The following XKRX variants were observed in gnomAD, a reference collection of about 807,000 sequenced individuals.
XKRX encodes XK related X-linked.
Under a neutral mutation model 22.4 loss-of-function variants are expected in XKRX, and 11 were observed. The observed-to-expected ratio is 0.49, with a 90% CI of 0.31 to 0.81. The LOEUF is 0.81. Ranked by LOEUF, XKRX falls within the 40% of genes least tolerant of loss-of-function variation. The pLI is 0.05. For synonymous variants in XKRX, 114 were observed against 132.2 expected (o/e 0.86, Z 0.94); for missense variants, 320 against 336.5 (o/e 0.95, Z 0.38).
chrX:100,944,446 T>A, the XKRX span, among the ~76,000 whole-genome samples: 1 of 111,691 alleles, frequency 9.0e-6, no homozygotes, highest in African/African-American at 3.3e-5. Context: ...CACTGCAACC[T>A]CCGCCTCCTG....
Position 100,928,878 on chromosome X carries a change from A to G in XKRX, c.-574T>C, listed in dbSNP as rs2085510245. On this transcript the variant is annotated 5_prime_UTR_variant, in exon 1 of 3. Transcript: ENST00000372956. ...TCCTAGCTATTGCTAGGCTGTAGCT[A>G]TCAGCTGGCCCGCTCACCTGCGCGC... 2 of 749,978 alleles carry G rather than the reference A, an allele frequency of 2.7e-6. No homozygotes were observed. The allele number at this position is 749,978 out of a possible 1,213,427, so 61.8% of individuals were successfully genotyped here.
chrX:100,908,461 G>T (rs2085395508), downstream of XKRX, among the ~76,000 whole-genome samples: 1 of 111,148 alleles, frequency 9.0e-6, no homozygotes, highest in African/African-American at 3.3e-5. Flanking sequence ...TCTCACACAG[G>T]TTGGCCTCAC....
At position 100,914,481 on chromosome X, in the gene XKRX, G is replaced by C. The variant is rs767039505; in HGVS notation, c.1207C>G (p.Gln403Glu). Residue 403 changes from glutamine (Q) to glutamate (E), a missense_variant, in exon 3 of 3, where the codon CAG (glutamine) becomes GAG (glutamate). Transcript: ENST00000372956. ...AGTGAGCGCAATGGATGCAAGTACTGGAAGAAAAGGAGCATGAAGCCAATG... is the reference window on the plus strand; with the variant it reads ...AGTGAGCGCAATGGATGCAAGTACTCGAAGAAAAGGAGCATGAAGCCAATG... Reference protein sequence around the residue: ...ISIGFMLLFFQYLHPLRSLFT... With the variant: ...ISIGFMLLFFEYLHPLRSLFT... The C allele has an allele frequency of 5.8e-6, 7 of 1,210,381 alleles. No individual in the cohort carries two copies. The highest frequency in any genetic ancestry group is 6.7e-6 in the Non-Finnish European group (6 of 895,350).
chrX:100,925,223 G>T (rs2085493044), intron 1 of XKRX, among the ~76,000 whole-genome samples: 1 of 111,628 alleles, frequency 9.0e-6, no homozygotes, highest in Admixed American at 9.6e-5. Context: ...TATTCTCAGG[G>T]CTATTTTCTG....
At chrX:100,941,158 A>G in the XKRX span, among the ~76,000 whole-genome samples, 2 of 112,192 alleles carry the variant, frequency 1.8e-5, no homozygotes, top group Admixed American at 9.5e-5. Context: ...CCCTAATAAC[A>G]ATGATGGCTT....
Position 100,922,877 on chromosome X carries a change from T to C in XKRX, c.520A>G (p.Ile174Val). The change falls in exon 2 of 3, where the codon ATC becomes GTC. Residue 174 changes from isoleucine to valine, a missense_variant. Physicochemically the swap from Ile to Val is conservative, Grantham distance 29. Coordinates refer to ENST00000372956, the MANE Select transcript of XKRX (RefSeq NM_212559.3). ...GGCACTGAGCCCAGGAAGGCTTGGATCTGTGACATACGTTTGTAGGCATTG... is the reference window on the plus strand; with the variant it reads ...GGCACTGAGCCCAGGAAGGCTTGGACCTGTGACATACGTTTGTAGGCATTG... ...HRNAYKRMSQIQAFLGSVPQL... is the reference protein window; with the variant it reads ...HRNAYKRMSQVQAFLGSVPQL... 1 of 1,211,231 alleles carries C rather than the reference T, an allele frequency of 8.3e-7. No homozygotes were observed. Among genetic ancestry groups the C allele is most frequent in the Non-Finnish European group, 1.1e-6 (1 of 895,410 alleles).
chrX:100,947,091 A>G, the XKRX span, among the ~76,000 whole-genome samples: 1 of 112,104 alleles, frequency 8.9e-6, no homozygotes, highest in East Asian at 2.8e-4. Flanking sequence ...TCCCCATTAC[A>G]TGTCCTATAT....
the XKRX span, chrX:100,957,176 G>C: frequency 1.9e-6 from 2 of 1,077,899 alleles, no homozygotes; most frequent in East Asian, 3.0e-5. Context: ...TTCACAAAAA[G>C]GATTCTGGCT....
chrX:100,923,837 C>CTTTT (rs745938618), intron 1 of XKRX, among the ~76,000 whole-genome samples: 9 of 88,107 alleles, frequency 1.0e-4, no homozygotes, highest in Non-Finnish European at 1.5e-4. Flanking sequence ...TTCTTTCTTT[C>CTTTT]TTTTTTTTTT....
chrX:100,888,470 G>C, the XKRX span: 1 of 983,076 alleles, frequency 1.0e-6, no homozygotes, highest in Admixed American at 2.2e-5. Flanking sequence ...CGCACAGTCT[G>C]TGAGCATTCC....
the XKRX span, among the ~76,000 whole-genome samples, chrX:100,893,220 T>C: frequency 9.0e-6 from 1 of 111,630 alleles, no homozygotes; most frequent in Non-Finnish European, 1.9e-5. Flanking sequence ...AAAGTTTCGG[T>C]GAGGATGAAT....
At chrX:100,937,391 T>C in the XKRX span, among the ~76,000 whole-genome samples, 1 of 111,921 alleles carries the variant, frequency 8.9e-6, no homozygotes, top group Non-Finnish European at 1.9e-5. Flanking sequence ...TGCTTCAAAT[T>C]GAAAGACTTG....
intron 2 of XKRX, among the ~76,000 whole-genome samples, chrX:100,920,363 A>G (rs2085466065): frequency 9.0e-6 from 1 of 111,323 alleles, no homozygotes; most frequent in African/African-American, 3.3e-5. Context: ...AGAATGTTTC[A>G]TACAGTCCAT....
upstream of XKRX, among the ~76,000 whole-genome samples, chrX:100,930,375 G>A (rs199859320): frequency 1.6e-4 from 18 of 110,159 alleles, no homozygotes; most frequent in East Asian, 4.8e-3. Flanking sequence ...GCTGCAGGAA[G>A]TCAGTAAAAC....
chrX:100,913,125 G>T (rs189728648), downstream of XKRX, among the ~76,000 whole-genome samples: 73 of 108,621 alleles, frequency 6.7e-4, no homozygotes, highest in African/African-American at 2.3e-3. Flanking sequence ...TTGAACCCAG[G>T]AGGCAGAGGC....
Position 100,914,211 on chromosome X carries a change from T to C in XKRX, c.*127A>G, listed in dbSNP as rs1367081794. On this transcript the variant is annotated 3_prime_UTR_variant, in exon 3 of 3. Coordinates refer to ENST00000372956, the MANE Select transcript of XKRX (RefSeq NM_212559.3). ...ATTTGGGAGTTGCTCTTTCTTCTGATAGGCTTAACAGAAAAGTCAAGAAAA... is the reference window on the plus strand; with the variant it reads ...ATTTGGGAGTTGCTCTTTCTTCTGACAGGCTTAACAGAAAAGTCAAGAAAA... The C allele has an allele frequency of 3.6e-6, 3 of 823,353 alleles. No individual in the cohort carries two copies. Among genetic ancestry groups the C allele is most frequent in the East Asian group, 3.1e-5 (1 of 31,857 alleles). 67.9% of individuals were successfully genotyped at this position (823,353 alleles called of 1,213,427 possible). A position where few individuals can be genotyped will look rare whatever the true frequency, so the allele number is the denominator to read the frequency against.
the XKRX span, among the ~76,000 whole-genome samples, chrX:100,892,739 T>C: frequency 2.7e-5 from 3 of 112,392 alleles, no homozygotes; most frequent in Non-Finnish European, 5.6e-5. Context: ...GGAATGTAAA[T>C]TAGTACAGCC....
At chrX:100,900,915 G>A in the XKRX span, among the ~76,000 whole-genome samples, 8 of 106,739 alleles carry the variant, frequency 7.5e-5, no homozygotes, top group East Asian at 5.9e-4. Flanking sequence ...TCAGCCTCCC[G>A]AGTAGCTGGG....
chrX:100,892,605 G>A, the XKRX span, among the ~76,000 whole-genome samples: 1 of 112,723 alleles, frequency 8.9e-6, no homozygotes, highest in Non-Finnish European at 1.9e-5. Flanking sequence ...ATCACAGAAA[G>A]GCAAATCAAA....
Sources: gnomAD v4.1 joint callset for allele counts (sites outside exome capture counted in the v4.1 genomes callset) on GRCh38, gnomAD v4.1.1 for gene constraint, MANE v1.5 for transcripts, NCBI Gene and HGNC (gene_info 2026-07-23, HGNC 2026-07-21) for gene names.